The following FSTL5 variants were observed in gnomAD, a reference collection of about 807,000 sequenced individuals.
FSTL5 encodes follistatin like 5, also known as follistatin-related protein 5.
A neutral mutation model predicts 89.1 loss-of-function variants in FSTL5; 62 were observed. The ratio of observed to expected loss-of-function variants is 0.70; its 90% CI spans 0.57 to 0.86. The LOEUF (loss-of-function observed/expected upper bound fraction) is 0.86, where lower values mean the gene tolerates loss of function less well. Ranked by LOEUF, FSTL5 falls within the 40% of genes least tolerant of loss-of-function variation. The pLI is 0.00. For synonymous variants in FSTL5, 383 were observed against 346.2 expected (o/e 1.11, Z -1.18); for missense variants, 1,057 against 1,001.6 (o/e 1.06, Z -0.75).
chr4:161,485,719 T>C (rs1729654976), intron 12 of FSTL5, among the ~76,000 whole-genome samples: 1 of 152,092 alleles, frequency 6.6e-6, no homozygotes, highest in Admixed American at 6.6e-5. Context: ...ATAATAAAAA[T>C]ATTCCAAACA....
At chr4:161,436,495 A>G (rs909605320) in intron 15 of FSTL5, among the ~76,000 whole-genome samples, 2 of 152,088 alleles carry the variant, frequency 1.3e-5, no homozygotes, top group Non-Finnish European at 2.9e-5. Context: ...TCCAACATCC[A>G]TTTTGTGCAT....
intron 2 of FSTL5, 32 bp from the exon 3 acceptor site, chr4:162,033,690 T>C (rs1355671264): frequency 5.6e-6 from 7 of 1,258,502 alleles, no homozygotes; most frequent in South Asian, 1.3e-5. Flanking sequence ...GGTCAAAATA[T>C]GTAAGTAAAT....
intron 2 of FSTL5, among the ~76,000 whole-genome samples, chr4:162,063,649 T>G (rs954463629): frequency 6.6e-6 from 1 of 151,952 alleles, no homozygotes; most frequent in Non-Finnish European, 1.5e-5. Context: ...TTGTTTTTCA[T>G]AAATTCCTGT....
chr4:162,012,695 A>C (rs1736802859), intron 3 of FSTL5, among the ~76,000 whole-genome samples: 1 of 152,158 alleles, frequency 6.6e-6, no homozygotes, highest in Admixed American at 6.5e-5. Flanking sequence ...CTTTTAGTTA[A>C]ATTATATAAG....
chr4:161,441,983 T>C (rs1487177021), intron 15 of FSTL5, among the ~76,000 whole-genome samples: 1 of 152,044 alleles, frequency 6.6e-6, no homozygotes, highest in Non-Finnish European at 1.5e-5. Context: ...CTTTCTTATA[T>C]TAAAGAAAAG....
chr4:161,720,813 G>T (rs1406532018), intron 6 of FSTL5, among the ~76,000 whole-genome samples: 1 of 152,114 alleles, frequency 6.6e-6, no homozygotes, highest in East Asian at 1.9e-4. Flanking sequence ...ACCCAAAATA[G>T]TCAAACTCAT....
At chr4:161,386,475 G>C (rs1016808611) in intron 15 of FSTL5, 26 bp from the exon 16 acceptor site, 1 of 1,518,152 alleles carries the variant, frequency 6.6e-7, no homozygotes. Flanking sequence ...ATCAGAGTTA[G>C]ACAGGAAGCA....
chr4:161,803,909 C>A (rs1729877727), intron 4 of FSTL5, among the ~76,000 whole-genome samples: 1 of 151,960 alleles, frequency 6.6e-6, no homozygotes, highest in African/African-American at 2.4e-5. Context: ...ATGCATTTTT[C>A]TTTTTCTAGA....
chr4:161,731,342 A>G (rs536797559), intron 6 of FSTL5, among the ~76,000 whole-genome samples: 1 of 152,134 alleles, frequency 6.6e-6, no homozygotes, highest in East Asian at 1.9e-4. Flanking sequence ...TCTCATCTTG[A>G]ATTGTAATCC....
At chr4:161,778,856 G>A (rs1031104714) in intron 4 of FSTL5, among the ~76,000 whole-genome samples, 10 of 152,190 alleles carry the variant, frequency 6.6e-5, no homozygotes, top group African/African-American at 2.2e-4. Flanking sequence ...GTGCACAGGT[G>A]TGCATCAGGA....
intron 4 of FSTL5, among the ~76,000 whole-genome samples, chr4:161,788,410 C>A (rs1741988711): frequency 6.6e-6 from 1 of 152,156 alleles, no homozygotes; most frequent in African/African-American, 2.4e-5. Flanking sequence ...TCCCTCCCTT[C>A]CAAGCCTAAT....
chr4:162,043,878 A>C (rs1246363604), intron 2 of FSTL5, among the ~76,000 whole-genome samples: 1 of 152,188 alleles, frequency 6.6e-6, no homozygotes, highest in Non-Finnish European at 1.5e-5. Flanking sequence ...TTACTGTAAG[A>C]TTGTGGCAAT....
intron 8 of FSTL5, among the ~76,000 whole-genome samples, chr4:161,585,810 A>G (rs1733594458): frequency 6.6e-6 from 1 of 152,080 alleles, no homozygotes; most frequent in African/African-American, 2.4e-5. Context: ...GACTTGTCCT[A>G]CCCTCTCAAG....
At chr4:161,927,444 G>T (rs1452463059) in intron 3 of FSTL5, among the ~76,000 whole-genome samples, 1 of 151,690 alleles carries the variant, frequency 6.6e-6, no homozygotes, top group East Asian at 1.9e-4. Context: ...GGGTAGATTT[G>T]TCCAGCCAAA....
rs76738916 is a variant in FSTL5, at chr4:161,745,955, T to G, written c.727+13456A>C. On this transcript the variant is annotated intron_variant, in intron 6 of 15. Transcript: ENST00000306100. The stretch of plus-strand genomic sequence containing the variant: ...TCTTTTAATCTAAGTTTTTCATCAG[T>G]AAAAAACAAATGTTAAATTTTAACT... Among the ~76,000 whole-genome samples, 1,156 of 152,242 alleles carry G rather than the reference T, an allele frequency of 7.6e-3. 11 individuals are homozygous for G. Among genetic ancestry groups the G allele is most frequent in the African/African-American group, 0.027 (1,105 of 41,548 alleles).
At chr4:162,155,490 C>T (rs1331682656) in intron 1 of FSTL5, among the ~76,000 whole-genome samples, 5 of 152,186 alleles carry the variant, frequency 3.3e-5, no homozygotes, top group South Asian at 2.1e-4. Flanking sequence ...CATGGAAATC[C>T]GGAGATAATA....
chr4:161,439,032 T>G (rs1030848180), intron 15 of FSTL5, among the ~76,000 whole-genome samples: 2 of 152,108 alleles, frequency 1.3e-5, no homozygotes, highest in African/African-American at 4.8e-5. Flanking sequence ...TAAATGAGCA[T>G]GCTTATTTTC....
At chr4:161,506,907 A>AT (rs1730501263) in intron 11 of FSTL5, among the ~76,000 whole-genome samples, 2 of 152,160 alleles carry the variant, frequency 1.3e-5, no homozygotes. Context: ...TCTATAACAT[A>AT]TTTTTGTGTG....
At chr4:161,424,491 T>C (rs1037410359) in intron 15 of FSTL5, among the ~76,000 whole-genome samples, 3 of 151,508 alleles carry the variant, frequency 2.0e-5, no homozygotes, top group African/African-American at 7.3e-5. Flanking sequence ...CATTTTTGTT[T>C]ACTTAAATAA....
Sources: gnomAD v4.1 joint callset for allele counts (sites outside exome capture counted in the v4.1 genomes callset) on GRCh38, gnomAD v4.1.1 for gene constraint, MANE v1.5 for transcripts, NCBI Gene and HGNC (gene_info 2026-07-23, HGNC 2026-07-21) for gene names.